Variants in RNF144A observed in about 807,000 individuals in gnomAD.
The protein encoded by RNF144A is E3 ubiquitin-protein ligase RNF144A.
In RNF144A, 11 loss-of-function variants were observed where a neutral mutation model predicts 38.7. That is an observed-to-expected ratio of 0.28 (90% CI 0.18 to 0.47). The LOEUF (loss-of-function observed/expected upper bound fraction) is 0.47. RNF144A is among the 20% of genes least tolerant of loss of function. The pLI, the probability that RNF144A is intolerant of heterozygous loss-of-function variation, is 0.99. For synonymous variants in RNF144A, 149 were observed against 143.9 expected, an observed-to-expected ratio of 1.04 and a Z score of -0.25; for missense variants, 316 against 377.2, an observed-to-expected ratio of 0.84 and a Z score of 1.34.
At chr2:6,980,499 T>TA (rs1170858695) in intron 2 of RNF144A, among the ~76,000 whole-genome samples, 1 of 152,264 alleles carries the variant, frequency 6.6e-6, no homozygotes, top group Non-Finnish European at 1.5e-5. Context: ...AGGCAGTCAT[T>TA]ACATCTTAAA....
At chr2:6,920,681 C>G (rs558916916) in intron 1 of RNF144A, among the ~76,000 whole-genome samples, 3 of 152,190 alleles carry the variant, frequency 2.0e-5, no homozygotes, top group Admixed American at 6.5e-5. Flanking sequence ...ACATTGAGAT[C>G]GAAGAATGAA....
At chr2:7,065,902 G>T (rs1248726847) in intron 6 of RNF144A, among the ~76,000 whole-genome samples, 1 of 152,178 alleles carries the variant, frequency 6.6e-6, no homozygotes, top group Non-Finnish European at 1.5e-5. Context: ...GTAAGAATTT[G>T]CAGAACTCTA....
chr2:7,003,096 C>T (rs309322), intron 3 of RNF144A, among the ~76,000 whole-genome samples: 84,138 of 151,890 alleles, frequency 0.55, 24,189 homozygotes, highest in Non-Finnish European at 0.64. Context: ...TATATTTGTA[C>T]GTATATATAC....
intron 1 of RNF144A, among the ~76,000 whole-genome samples, chr2:6,930,082 A>T (rs1161147529): frequency 1.3e-5 from 2 of 152,272 alleles, no homozygotes; most frequent in African/African-American, 4.8e-5. Flanking sequence ...CAGCTCCAAG[A>T]GATGATACTA....
intron 2 of RNF144A, among the ~76,000 whole-genome samples, chr2:6,956,243 T>A (rs1331682024): frequency 2.7e-5 from 4 of 150,696 alleles, no homozygotes; most frequent in Admixed American, 6.6e-5. Context: ...TCTGTTTTTT[T>A]TTCGGGGGGT....
Position 6,958,154 on chromosome 2 carries a change from G to C in RNF144A, c.-12+17007G>C, listed in dbSNP as rs369650215. Among the ~76,000 whole-genome samples, 1 of 152,204 alleles carries C rather than the reference G, an allele frequency of 6.6e-6. No homozygotes were observed. Among genetic ancestry groups the C allele is most frequent in the Non-Finnish European group, 1.5e-5 (1 of 68,040 alleles). Reference sequence around the variant, plus strand: ...TCATGCGCAGCCACCATGGGGCACCGGGCGTGCTGTCTCTTCCTGGAAGGT... The same window carrying C: ...TCATGCGCAGCCACCATGGGGCACCCGGCGTGCTGTCTCTTCCTGGAAGGT... On this transcript the variant is annotated intron_variant, in intron 2 of 8. Transcript: ENST00000320892. The surrounding 1 kb of genome is among the most constrained non-coding windows in gnomAD (Gnocchi z 4.5).
Position 7,040,035 on chromosome 2 carries a change from G to A in RNF144A, c.*275G>A, listed in dbSNP as rs942972984. The A allele has an allele frequency of 7.7e-6, 9 of 1,164,376 alleles. No individual in the cohort carries two copies. In the South Asian group the frequency reaches 2.1e-4, roughly 27 times the overall value. 72.1% of individuals were successfully genotyped at this position (1,164,376 alleles called of 1,614,324 possible). A position where few individuals can be genotyped will look rare whatever the true frequency, so the allele number is the denominator to read the frequency against. ...GGAGGTGCTGTGAGAAGTGCACCAG[G>A]CAGCTTTCTCTCTGTGGTAGACTAG... On this transcript the variant is annotated 3_prime_UTR_variant, in exon 9 of 9. Coordinates refer to ENST00000320892, the MANE Select transcript of RNF144A (RefSeq NM_014746.6).
intron 2 of RNF144A, among the ~76,000 whole-genome samples, chr2:6,977,200 A>C (rs982941517): frequency 6.6e-6 from 1 of 152,280 alleles, no homozygotes; most frequent in Non-Finnish European, 1.5e-5. Context: ...ATAGGTGGAA[A>C]ATAAGCCCTG....
intron 2 of RNF144A, among the ~76,000 whole-genome samples, chr2:6,989,570 C>G (rs1257661537): frequency 6.6e-6 from 1 of 152,212 alleles, no homozygotes; most frequent in Non-Finnish European, 1.5e-5. Flanking sequence ...GCATTCCATC[C>G]TACCATGCCC....
At chr2:6,992,544 T>C (rs1178737774) in intron 2 of RNF144A, among the ~76,000 whole-genome samples, 1 of 152,072 alleles carries the variant, frequency 6.6e-6, no homozygotes, top group Non-Finnish European at 1.5e-5. Flanking sequence ...AGAGGAAACA[T>C]GAGAGTGTCC....
intron 2 of RNF144A, among the ~76,000 whole-genome samples, chr2:6,977,335 C>T (rs1305731104): frequency 6.6e-6 from 1 of 152,190 alleles, no homozygotes; most frequent in Non-Finnish European, 1.5e-5. Context: ...GGGAAAGTTG[C>T]GTATGCCTTT....
At chr2:7,023,536 C>T (rs920776037) in intron 6 of RNF144A, among the ~76,000 whole-genome samples, 2 of 152,164 alleles carry the variant, frequency 1.3e-5, no homozygotes, top group South Asian at 2.1e-4. Flanking sequence ...GATAACTCCT[C>T]TTAACAGTTT....
In RNF144A at chr2:7,042,486, GGC is replaced by G; in HGVS notation, c.*2727_*2728del. ...TTAATCCTGGGGAGTAAGGGGCGAAGGCCCTTAGACAACCATGGCTGCTGTAC... is the reference window on the plus strand; with the variant it reads ...TTAATCCTGGGGAGTAAGGGGCGAAGCCTTAGACAACCATGGCTGCTGTAC... On this transcript the variant is annotated 3_prime_UTR_variant, in exon 9 of 9. Transcript: ENST00000320892. The G allele has an allele frequency of 1.0e-6, 1 of 985,536 alleles. No individual in the cohort carries two copies. Among genetic ancestry groups the G allele is most frequent in the Non-Finnish European group, 1.2e-6 (1 of 829,980 alleles). 61.0% of individuals were successfully genotyped at this position (985,536 alleles called of 1,614,324 possible).
At chr2:7,023,411 C>T (rs1671664215) in intron 6 of RNF144A, among the ~76,000 whole-genome samples, 3 of 152,172 alleles carry the variant, frequency 2.0e-5, no homozygotes, top group African/African-American at 4.8e-5. Context: ...TATACCCATA[C>T]ATGTGTTAAA....
rs183205309 is a variant in RNF144A at position 6,923,652 on chromosome 2, T to C, written c.-212+6030T>C. Reference sequence around the variant, plus strand: ...TCCTCTGACACTGGCATTGCACAGATGAGAAGATGGAGCCGCACGGAGCAG... The same window carrying C: ...TCCTCTGACACTGGCATTGCACAGACGAGAAGATGGAGCCGCACGGAGCAG... On this transcript the variant is annotated intron_variant, in intron 1 of 8. Coordinates refer to ENST00000320892, the MANE Select transcript of RNF144A (RefSeq NM_014746.6). Among the ~76,000 whole-genome samples the C allele has an allele frequency of 3.4e-3, 523 of 152,326 alleles. 5 individuals carry two copies. Among genetic ancestry groups the C allele is most frequent in the Non-Finnish European group, 4.3e-3 (293 of 68,030 alleles).
chr2:7,021,982 A>T (rs1671563612), intron 6 of RNF144A, among the ~76,000 whole-genome samples: 1 of 152,264 alleles, frequency 6.6e-6, no homozygotes, highest in South Asian at 2.1e-4. Flanking sequence ...TTTTGTGGAA[A>T]TTTTTAAATC....
intron 2 of RNF144A, among the ~76,000 whole-genome samples, chr2:6,959,876 A>G (rs144521057): frequency 5.3e-5 from 8 of 152,296 alleles, no homozygotes; most frequent in South Asian, 2.1e-4. Flanking sequence ...TGGAGCAGCA[A>G]GTGAAGTTCC....
At chr2:7,015,054 C>G (rs1420290504) in intron 5 of RNF144A, among the ~76,000 whole-genome samples, 2 of 152,108 alleles carry the variant, frequency 1.3e-5, no homozygotes, top group African/African-American at 4.8e-5. Flanking sequence ...GTTGATGGCT[C>G]TCTTGAGGTA....
chr2:6,970,434 G>GT (rs1364172644), intron 2 of RNF144A, among the ~76,000 whole-genome samples: 1 of 152,220 alleles, frequency 6.6e-6, no homozygotes, highest in African/African-American at 2.4e-5. Context: ...ATGTGGAACT[G>GT]TAAGTCCAAT....
Sources: allele counts gnomAD v4.1 joint callset (sites outside exome capture counted in the v4.1 genomes callset), GRCh38; gene constraint gnomAD v4.1.1; non-coding constraint Gnocchi (gnomAD v3.1); transcripts MANE v1.5; gene names NCBI Gene and HGNC (gene_info 2026-07-23, HGNC 2026-07-21).